WDR35: variants seen among roughly 807,000 people sequenced by gnomAD.
The protein encoded by WDR35 is WD repeat-containing protein 35.
Under a neutral mutation model 158.3 loss-of-function variants are expected in WDR35, and 118 were observed. That is an observed-to-expected ratio of 0.75 (90% CI 0.64 to 0.87). The LOEUF is 0.87. Among genes scored for constraint, WDR35 ranks in the 40% least tolerant of loss-of-function variants. WDR35 has a pLI of 0.00. For synonymous variants in WDR35, 448 were observed against 476.1 expected (o/e 0.94, Z 0.77); for missense variants, 1,263 against 1,405.8 (o/e 0.90, Z 1.62).
intron 11 of WDR35, among the ~76,000 whole-genome samples, chr2:19,954,399 G>C (rs1671355713): frequency 6.6e-6 from 1 of 152,146 alleles, no homozygotes; most frequent in African/African-American, 2.4e-5. Context: ...CATAGAATGG[G>C]AGAAAATATT....
Position 19,964,330 on chromosome 2 carries a change from G to A in WDR35, c.1194+2394C>T, listed in dbSNP as rs547755943. ...TTTCATACTTACTGCCCTGTATTTT[G>A]TATATTTTGCCTGTTCACTCTTTTT... On this transcript the variant is annotated intron_variant, in intron 10 of 26. Transcript: ENST00000281405. 2.2e-4 allele frequency among the ~76,000 whole-genome samples: 30 copies of A among 137,466 alleles called. No homozygotes were observed. The South Asian group carries it at 7.0e-3, about 32-fold the overall frequency. 90.2% of individuals were successfully genotyped at this position (137,466 alleles called of 152,430 possible). A position where few individuals can be genotyped will look rare whatever the true frequency, so the allele number is the denominator to read the frequency against.
At chr2:19,981,485 A>T (rs1194570235) in intron 3 of WDR35, among the ~76,000 whole-genome samples, 2 of 152,160 alleles carry the variant, frequency 1.3e-5, no homozygotes, top group African/African-American at 4.8e-5. Flanking sequence ...CTAGGATTAT[A>T]CAGTGCATTT....
intron 12 of WDR35, 100 bp downstream of exon 12, chr2:19,953,734 C>G (rs1558342322): frequency 5.4e-6 from 8 of 1,476,100 alleles, no homozygotes; most frequent in Non-Finnish European, 7.5e-6. Context: ...TTCTACTAAT[C>G]AAGACACTAC....
At chr2:19,923,580 C>T (rs1670254010) in intron 25 of WDR35, among the ~76,000 whole-genome samples, 1 of 152,174 alleles carries the variant, frequency 6.6e-6, no homozygotes, top group Admixed American at 6.5e-5. Context: ...TCTGCACCCC[C>T]TCATTATTAT....
rs539126318 is a variant in WDR35 at position 19,963,216 on chromosome 2, A to G, written c.1195-2602T>C. ...GTCGGATCAGAATTTAGGGTTCAGT[A>G]TGTTTATTATACTTCAATTAAAAGG... On this transcript the variant is annotated intron_variant, in intron 10 of 26. Coordinates refer to ENST00000281405, the MANE Select transcript of WDR35 (RefSeq NM_020779.4). Among the ~76,000 whole-genome samples, 26 of 152,226 alleles carry G rather than the reference A, an allele frequency of 1.7e-4. No homozygotes were observed. The South Asian group carries it at 5.4e-3, about 32-fold the overall frequency.
rs767801638 is a variant in WDR35 at position 19,930,551 on chromosome 2, G to A, written c.2966C>T (p.Ala989Val). ...RGKVKGKSSEATSALAGLLEE... is the reference protein window; with the variant it reads ...RGKVKGKSSEVTSALAGLLEE... ...CAGCAAACCAGCCAAGGCAGAAGTG[G>A]CCTACGAGTAAAGTCAGCCCACACT... is the stretch of plus-strand genomic sequence containing the variant. Residue 989 changes from alanine to valine, a missense_variant and splice_region_variant, in exon 25 of 27, where the codon GCC (alanine) becomes GTC (valine). Physicochemically the swap from Ala to Val is moderately conservative, Grantham distance 64. Coordinates refer to ENST00000281405, the MANE Select transcript of WDR35 (RefSeq NM_020779.4). 8 of 1,614,050 alleles carry A rather than the reference G, an allele frequency of 5.0e-6. No individual in the cohort carries two copies. The highest frequency in any genetic ancestry group is 1.3e-5 in the African/African-American group (1 of 75,042).
At chr2:19,923,161 C>T (rs1670231790) in intron 25 of WDR35, among the ~76,000 whole-genome samples, 1 of 152,080 alleles carries the variant, frequency 6.6e-6, no homozygotes, top group Admixed American at 6.5e-5. Context: ...TTGTGAGACC[C>T]CTGATTTCCC....
At chr2:19,925,442 G>A (rs1394858828) in intron 25 of WDR35, among the ~76,000 whole-genome samples, 1 of 152,164 alleles carries the variant, frequency 6.6e-6, no homozygotes, top group Non-Finnish European at 1.5e-5. Flanking sequence ...TCAAATTACT[G>A]ATAAACGTCC....
At chr2:19,952,112 C>T (rs1671257597) in intron 12 of WDR35, among the ~76,000 whole-genome samples, 1 of 152,054 alleles carries the variant, frequency 6.6e-6, no homozygotes, top group South Asian at 2.1e-4. Flanking sequence ...GCAACCACAA[C>T]CCAAGTAATG....
chr2:19,920,222 T>C (rs13030490), intron 25 of WDR35, among the ~76,000 whole-genome samples: 1 of 152,058 alleles, frequency 6.6e-6, no homozygotes, highest in Non-Finnish European at 1.5e-5. Context: ...CCTCCCTAAC[T>C]CATTTTATGA....
intron 25 of WDR35, among the ~76,000 whole-genome samples, chr2:19,923,501 A>G (rs762438778): frequency 6.6e-6 from 1 of 152,224 alleles, no homozygotes; most frequent in African/African-American, 2.4e-5. Context: ...GTAACAGAAG[A>G]GATTACAGAG....
chr2:19,962,196 T>G, intron 10 of WDR35: 3 of 1,276,570 alleles, frequency 2.4e-6, no homozygotes, highest in Non-Finnish European at 3.4e-6. Context: ...ATGAACCTTC[T>G]GAAGTCCCCT....
rs1269749549 is a variant in WDR35 at position 19,973,951 on chromosome 2, T to C, written c.737-243A>G. Among the ~76,000 whole-genome samples the C allele has an allele frequency of 7.3e-5, 11 of 149,928 alleles. No homozygotes were observed. The East Asian group carries it at 2.2e-3, about 29-fold the overall frequency. ...GGTGAAACCCTGTCTCTACGAAAAA[T>C]ACAAAAATTAGCTGGAGGAGTTGGT... On this transcript the variant is annotated intron_variant, in intron 7 of 26. Coordinates refer to ENST00000281405, the MANE Select transcript of WDR35 (RefSeq NM_020779.4).
chr2:19,945,053 T>C (rs975002852), intron 16 of WDR35, among the ~76,000 whole-genome samples: 3 of 152,208 alleles, frequency 2.0e-5, no homozygotes, highest in Non-Finnish European at 2.9e-5. Flanking sequence ...AAAAGATTTA[T>C]CTTCTTAATG....
At chr2:19,931,176 A>C (rs577520844) in intron 24 of WDR35, 93 bp downstream of exon 24, 47 of 1,413,468 alleles carry the variant, frequency 3.3e-5, no homozygotes, top group Non-Finnish European at 4.3e-5. Context: ...ATGCAAATTA[A>C]ATGACCTATC....
chr2:19,973,464 ATG>A (rs1672090578), intron 8 of WDR35, 97 bp downstream of exon 8: 2 of 1,459,350 alleles, frequency 1.4e-6, no homozygotes, highest in South Asian at 1.2e-5. Flanking sequence ...CTAAAAGAAA[ATG>A]TGATAAGTTT....
At chr2:19,983,935 T>C (rs549347838) in intron 2 of WDR35, among the ~76,000 whole-genome samples, 1 of 150,966 alleles carries the variant, frequency 6.6e-6, no homozygotes, top group Non-Finnish European at 1.5e-5. Context: ...AACTTTATTA[T>C]AATATTCTAA....
chr2:19,975,000 T>C (rs1268877508), intron 6 of WDR35, among the ~76,000 whole-genome samples: 2 of 152,224 alleles, frequency 1.3e-5, no homozygotes, highest in Admixed American at 6.5e-5. Flanking sequence ...CCAGTAATCA[T>C]ACATCTATGA....
At chr2:19,932,582 C>A in intron 22 of WDR35, 135 bp from the exon 23 acceptor site, 1 of 1,047,994 alleles carries the variant, frequency 9.5e-7, no homozygotes. Flanking sequence ...TTAAAAATAG[C>A]ATTTAAAATC....
Sources: gnomAD v4.1 joint callset for allele counts (sites outside exome capture counted in the v4.1 genomes callset) on GRCh38, gnomAD v4.1.1 for gene constraint, MANE v1.5 for transcripts, NCBI Gene and HGNC (gene_info 2026-07-23, HGNC 2026-07-21) for gene names.